Variants in SBF2 observed in about 807,000 individuals in gnomAD.
SBF2 encodes SET binding factor 2.
Under a neutral mutation model 225.2 loss-of-function variants are expected in SBF2, and 112 were observed. The observed-to-expected ratio is 0.50, with a 90% CI of 0.43 to 0.58. The LOEUF is 0.58. SBF2 is among the 20% of genes least tolerant of loss of function. The probability of loss-of-function intolerance (pLI) is 0.00; values close to 1 mark genes in which losing one functional copy is unlikely to be tolerated. For synonymous variants in SBF2, 763 were observed against 773.3 expected (o/e 0.99, Z 0.22); for missense variants, 1,996 against 2,206.2 (o/e 0.90, Z 1.91).
chr11:9,878,405 C>T (rs1232076719), intron 17 of SBF2, among the ~76,000 whole-genome samples: 7 of 152,100 alleles, frequency 4.6e-5, no homozygotes, highest in Admixed American at 4.6e-4. Flanking sequence ...TAATTAGATC[C>T]CATTTGTCTA....
chr11:9,988,185 G>A (rs1947275597), intron 13 of SBF2, among the ~76,000 whole-genome samples: 1 of 152,154 alleles, frequency 6.6e-6, no homozygotes, highest in Non-Finnish European at 1.5e-5. Context: ...TTCAACAAAT[G>A]GTGCTGGGAT....
chr11:10,173,039 T>G (rs1269060965), intron 2 of SBF2, among the ~76,000 whole-genome samples: 1 of 152,234 alleles, frequency 6.6e-6, no homozygotes, highest in African/African-American at 2.4e-5. Flanking sequence ...TCCATGTGTT[T>G]GTATAGTTTC....
chr11:9,900,047 A>AAAG, intron 16 of SBF2, among the ~76,000 whole-genome samples: 1 of 151,132 alleles, frequency 6.6e-6, no homozygotes, highest in Non-Finnish European at 1.5e-5. Context: ...TTTTTTTTAA[A>AAAG]AAAAAAAAAC....
chr11:9,877,464 G>C (rs1001301618), intron 17 of SBF2, among the ~76,000 whole-genome samples: 1 of 152,152 alleles, frequency 6.6e-6, no homozygotes, highest in Non-Finnish European at 1.5e-5. Context: ...TGTTACCCAG[G>C]TATACATGTG....
At chr11:9,950,803 A>G (rs2134323948) in intron 16 of SBF2, among the ~76,000 whole-genome samples, 1 of 152,334 alleles carries the variant, frequency 6.6e-6, no homozygotes, top group African/African-American at 2.4e-5. Context: ...AGGGACAGAA[A>G]CTCAGTATAG....
chr11:9,988,044 C>G (rs1307809137), intron 13 of SBF2, among the ~76,000 whole-genome samples: 1 of 152,294 alleles, frequency 6.6e-6, no homozygotes, highest in East Asian at 1.9e-4. Context: ...GTCACCAAAA[C>G]AGCATGGTAC....
At chr11:10,177,216 C>G (rs1041830318) in intron 2 of SBF2, among the ~76,000 whole-genome samples, 3 of 151,896 alleles carry the variant, frequency 2.0e-5, no homozygotes, top group Non-Finnish European at 2.9e-5. Context: ...CTATCTATGA[C>G]AAACACACAG....
Position 10,261,098 on chromosome 11 carries a change from T to C in SBF2, c.55+32917A>G, listed in dbSNP as rs562846356. ...CAGCAGAGAAAACTAGAAATTAAAA[T>C]CACAATGAGATACTAGTACATATAC... On this transcript the variant is annotated intron_variant, in intron 1 of 39. Transcript: ENST00000256190. Among the ~76,000 whole-genome samples the C allele has an allele frequency of 6.4e-4, 98 of 152,212 alleles. 1 individual carries two copies. In the South Asian group the frequency reaches 0.02, roughly 31 times the overall value.
chr11:9,944,493 T>C (rs1045778207), intron 16 of SBF2, among the ~76,000 whole-genome samples: 10 of 152,216 alleles, frequency 6.6e-5, no homozygotes, highest in African/African-American at 2.4e-4. Flanking sequence ...CGTGTTTGAC[T>C]AGCAAAAACA....
At chr11:10,207,224 T>A (rs1041076555) in intron 1 of SBF2, among the ~76,000 whole-genome samples, 3 of 152,008 alleles carry the variant, frequency 2.0e-5, no homozygotes, top group African/African-American at 7.2e-5. Flanking sequence ...CTATCAACTA[T>A]GAATTCTATT....
At chr11:10,173,242 G>C (rs1362729711) in intron 2 of SBF2, among the ~76,000 whole-genome samples, 1 of 152,232 alleles carries the variant, frequency 6.6e-6, no homozygotes, top group African/African-American at 2.4e-5. Context: ...ATTTCCATCT[G>C]AGGTACCGGG....
rs528013164 is a variant in SBF2, at chr11:10,140,169, A to G, written c.141+53733T>C. The stretch of plus-strand genomic sequence containing the variant: ...TTGTTTTAATATTTGGTCTGTGACT[A>G]GAAACACAGCTCCTAAAACCTCTGG... On this transcript the variant is annotated intron_variant, in intron 2 of 39. Transcript: ENST00000256190. 3.9e-5 allele frequency among the ~76,000 whole-genome samples: 6 copies of G among 152,314 alleles called. 1 individual carries two copies. The South Asian group carries it at 1.2e-3, about 32-fold the overall frequency.
At chr11:10,095,219 T>C (rs532949269) in intron 2 of SBF2, among the ~76,000 whole-genome samples, 55 of 152,242 alleles carry the variant, frequency 3.6e-4, no homozygotes, top group African/African-American at 1.3e-3. Flanking sequence ...CACAGTGTCC[T>C]GCCTATATTT....
intron 2 of SBF2, among the ~76,000 whole-genome samples, chr11:10,133,657 A>C (rs1954206495): frequency 6.7e-6 from 1 of 150,150 alleles, no homozygotes; most frequent in Admixed American, 6.7e-5. Context: ...CAAGTGCCGC[A>C]CACAGCCCCG....
At chr11:9,974,161 A>C (rs1404443338) in intron 13 of SBF2, among the ~76,000 whole-genome samples, 1 of 152,186 alleles carries the variant, frequency 6.6e-6, no homozygotes, top group Non-Finnish European at 1.5e-5. Flanking sequence ...CATCCTTGTG[A>C]GATGACTGAG....
At chr11:10,127,849 C>T (rs1434131451) in intron 2 of SBF2, among the ~76,000 whole-genome samples, 1 of 152,092 alleles carries the variant, frequency 6.6e-6, no homozygotes, top group Non-Finnish European at 1.5e-5. Context: ...ATATAAAAAC[C>T]ACTTCTACCA....
At chr11:9,916,219 CTT>C (rs1863080642) in intron 16 of SBF2, among the ~76,000 whole-genome samples, 1 of 152,030 alleles carries the variant, frequency 6.6e-6, no homozygotes, top group African/African-American at 2.4e-5. Context: ...TTCTTTATGA[CTT>C]ATATCATAAA....
rs533300336 is a variant in SBF2 at position 10,143,290 on chromosome 11, G to A, written c.141+50612C>T. On this transcript the variant is annotated intron_variant, in intron 2 of 39. Coordinates refer to ENST00000256190, the MANE Select transcript of SBF2 (RefSeq NM_030962.4). Reference sequence around the variant, plus strand: ...GGGTTCAAGCGATTCTCTTACCTCGGCCTCCCAAATAGCTGGGACTACAGG... The same window carrying A: ...GGGTTCAAGCGATTCTCTTACCTCGACCTCCCAAATAGCTGGGACTACAGG... Among the ~76,000 whole-genome samples the A allele has an allele frequency of 7.9e-5, 12 of 152,130 alleles. No individual in the cohort carries two copies. The East Asian group carries it at 2.3e-3, about 29-fold the overall frequency.
intron 6 of SBF2, among the ~76,000 whole-genome samples, chr11:10,023,664 T>C (rs577487808): frequency 3.3e-5 from 5 of 152,226 alleles, no homozygotes; most frequent in Non-Finnish European, 7.3e-5. Context: ...CTTAGCATGT[T>C]TCCAAGATTC....
Sources: allele counts gnomAD v4.1 joint callset (sites outside exome capture counted in the v4.1 genomes callset), GRCh38; gene constraint gnomAD v4.1.1; transcripts MANE v1.5; gene names NCBI Gene and HGNC (gene_info 2026-07-23, HGNC 2026-07-21).